Variants in CDC16 observed in about 807,000 individuals in gnomAD.
The protein encoded by CDC16 is cell division cycle 16.
CDC16 carries 34 observed loss-of-function variants against 87.0 expected under a neutral mutation model. The ratio of observed to expected loss-of-function variants is 0.39; its 90% CI spans 0.30 to 0.52. CDC16 has a LOEUF of 0.52. CDC16 is among the 20% of genes least tolerant of loss of function. The probability of loss-of-function intolerance (pLI) is 0.74; values close to 1 mark genes in which losing one functional copy is unlikely to be tolerated. For missense variants in CDC16, 653 were observed against 751.9 expected (o/e 0.87, Z 1.54); for synonymous variants, 263 against 260.6 (o/e 1.01, Z -0.09).
chr13:114,263,511 G>A (rs911972806), intron 16 of CDC16, among the ~76,000 whole-genome samples: 2 of 152,038 alleles, frequency 1.3e-5, no homozygotes, highest in African/African-American at 4.8e-5. Context: ...ATTTTTTCCC[G>A]GCACTTAATT....
At chr13:114,243,773 C>A in intron 7 of CDC16, 83 bp from the exon 8 acceptor site, 1 of 1,167,892 alleles carries the variant, frequency 8.6e-7, no homozygotes, top group Non-Finnish European at 1.2e-6. Context: ...ATGTTTTAAC[C>A]ACTTGGGCCA....
chr13:114,235,030 G>T lies in CDC16; in HGVS notation c.-55G>T, dbSNP rs2081172745. ...GGGCACGGGGCGGGGTGCTTAGGGTGCAGGAGGCGCGCGCCTAGCGGCGGA... is the reference window on the plus strand; with the variant it reads ...GGGCACGGGGCGGGGTGCTTAGGGTTCAGGAGGCGCGCGCCTAGCGGCGGA... On this transcript the variant is annotated 5_prime_UTR_variant, in exon 1 of 18. Coordinates refer to ENST00000356221, the MANE Select transcript of CDC16 (RefSeq NM_001078645.3). 2 of 1,233,376 alleles carry T rather than the reference G, an allele frequency of 1.6e-6. No individual in the cohort carries two copies. The highest frequency in any genetic ancestry group is 2.0e-6 in the Non-Finnish European group (2 of 982,914). The allele number at this position is 1,233,376 out of a possible 1,614,324, so 76.4% of individuals were successfully genotyped here. A position where few individuals can be genotyped will look rare whatever the true frequency, so the allele number is the denominator to read the frequency against.
intron 14 of CDC16, among the ~76,000 whole-genome samples, chr13:114,261,193 A>C (rs1015734000): frequency 6.6e-6 from 1 of 152,170 alleles, no homozygotes; most frequent in African/African-American, 2.4e-5. Flanking sequence ...GAGTTCACAG[A>C]GAATGTCAAG....
intron 11 of CDC16, 56 bp from the exon 12 acceptor site, chr13:114,250,491 CAA>C (rs59513608): frequency 0.025 from 29,311 of 1,189,634 alleles, no homozygotes; most frequent in South Asian, 0.037. Context: ...GACTTTGTCT[CAA>C]AAAAAAAAAA....
intron 17 of CDC16, among the ~76,000 whole-genome samples, 189 bp from the exon 18 acceptor site, chr13:114,271,995 C>T (rs748737392): frequency 2.0e-5 from 3 of 152,118 alleles, no homozygotes; most frequent in African/African-American, 4.8e-5. Flanking sequence ...AACTTGTGCT[C>T]TTAAAAGTAT....
intron 15 of CDC16, among the ~76,000 whole-genome samples, chr13:114,262,286 G>A (rs192635992): frequency 6.6e-6 from 1 of 152,170 alleles, no homozygotes; most frequent in Non-Finnish European, 1.5e-5. Context: ...TGAAAAATGG[G>A]TTTTTTGGTT....
chr13:114,265,594 A>G (rs1285121066), intron 17 of CDC16, among the ~76,000 whole-genome samples: 1 of 152,222 alleles, frequency 6.6e-6, no homozygotes, highest in Non-Finnish European at 1.5e-5. Context: ...TCATTATTTT[A>G]TAATGCAGGG....
intron 16 of CDC16, among the ~76,000 whole-genome samples, chr13:114,264,517 G>A (rs993736459): frequency 1.3e-5 from 2 of 150,524 alleles, no homozygotes; most frequent in African/African-American, 4.9e-5. Context: ...CTGAGATCGC[G>A]CCACTGCATT....
chr13:114,235,295 A>G (rs1357158136), intron 1 of CDC16, among the ~76,000 whole-genome samples, 163 bp downstream of exon 1: 1 of 152,002 alleles, frequency 6.6e-6, no homozygotes, highest in Non-Finnish European at 1.5e-5. Flanking sequence ...CTCGCCCAGA[A>G]GGGAGCGGTC....
chr13:114,263,877 C>G (rs2083016847), intron 16 of CDC16, among the ~76,000 whole-genome samples: 1 of 152,230 alleles, frequency 6.6e-6, no homozygotes, highest in South Asian at 2.1e-4. Flanking sequence ...CCACCAAGTT[C>G]ACGCTTCTCA....
chr13:114,265,288 T>C, intron 17 of CDC16, 48 bp downstream of exon 17: 2 of 1,140,562 alleles, frequency 1.8e-6, no homozygotes, highest in Non-Finnish European at 1.3e-6. Flanking sequence ...TTTTTTAGGT[T>C]GTCATATGTC....
intron 11 of CDC16, 43 bp from the exon 12 acceptor site, chr13:114,250,506 A>G (rs79764397): frequency 6.5e-7 from 1 of 1,545,832 alleles, no homozygotes. Flanking sequence ...AAAAAAAAAA[A>G]AGAATAAATA....
intron 12 of CDC16, 29 bp downstream of exon 12, chr13:114,250,703 A>G (rs553052451): frequency 2.7e-5 from 44 of 1,606,222 alleles, no homozygotes; most frequent in Non-Finnish European, 3.4e-5. Context: ...ATCAAACTCC[A>G]TGAAGGGATG....
chr13:114,236,568 A>T, intron 1 of CDC16, 77 bp from the exon 2 acceptor site: 1 of 1,187,680 alleles, frequency 8.4e-7, no homozygotes, highest in Non-Finnish European at 1.1e-6. Flanking sequence ...ACATAGAATT[A>T]TAATAATATT....
chr13:114,272,278 G>A lies in CDC16; in HGVS notation c.1698G>A (p.Arg566=), dbSNP rs776763858. ...KNIISPPWDF[R]EFEVEKQTAE... is the part of the protein sequence containing the mutation. ...TTATTTCACCTCCGTGGGATTTCAG[G>A]GAATTTGAAGTAGAAAAACAGACTG... Residue 566 remains arginine, a synonymous_variant, in exon 18 of 18, where the codon AGG becomes AGA. Transcript: ENST00000356221. 6.2e-7 allele frequency: 1 copy of A among 1,614,090 alleles called. No individual in the cohort carries two copies. Among genetic ancestry groups the A allele is most frequent in the South Asian group, 1.1e-5 (1 of 91,078 alleles).
intron 12 of CDC16, among the ~76,000 whole-genome samples, chr13:114,254,400 G>A (rs1274532582): frequency 2.0e-5 from 3 of 151,580 alleles, no homozygotes; most frequent in Admixed American, 6.6e-5. Context: ...ATTTTCTTAG[G>A]TTGGTTATCT....
chr13:114,243,123 A>G lies in CDC16; in HGVS notation c.542-134A>G, dbSNP rs1269544938. On this transcript the variant is annotated intron_variant, in intron 6 of 17. Transcript: ENST00000356221. Reference sequence around the variant, plus strand: ...GAGCCACTGTGTCAGCTTCTGTTGCACATTTTGATCTTATGTTCTCTTTTG... The same window carrying G: ...GAGCCACTGTGTCAGCTTCTGTTGCGCATTTTGATCTTATGTTCTCTTTTG... The G allele has an allele frequency of 3.8e-5, 22 of 573,694 alleles. 1 individual carries two copies. The highest frequency in any genetic ancestry group is 5.4e-5 in the Non-Finnish European group (17 of 314,586). The allele number at this position is 573,694 out of a possible 1,614,324, so 35.5% of individuals were successfully genotyped here. A position where few individuals can be genotyped will look rare whatever the true frequency, so the allele number is the denominator to read the frequency against.
intron 11 of CDC16, chr13:114,247,212 C>G (rs112188662): frequency 2.0e-5 from 11 of 559,010 alleles, no homozygotes; most frequent in Non-Finnish European, 1.9e-5. Flanking sequence ...GGTTCTCACT[C>G]TGTTGCCCAG....
Position 114,272,576 on chromosome 13 carries a change from G to C in CDC16, c.*133G>C. The stretch of plus-strand genomic sequence containing the variant: ...TCTCTACATTTAGGAACAGAGACCC[G>C]CCTTAAGAGACTGGATCGCACACCT... On this transcript the variant is annotated 3_prime_UTR_variant, in exon 18 of 18. Coordinates refer to ENST00000356221, the MANE Select transcript of CDC16 (RefSeq NM_001078645.3). 1.4e-6 allele frequency: 1 copy of C among 696,200 alleles called. No individual in the cohort carries two copies. Among genetic ancestry groups the C allele is most frequent in the Non-Finnish European group, 2.3e-6 (1 of 426,770 alleles). 43.1% of individuals were successfully genotyped at this position (696,200 alleles called of 1,614,324 possible).
Sources: allele counts gnomAD v4.1 joint callset (sites outside exome capture counted in the v4.1 genomes callset), GRCh38; gene constraint gnomAD v4.1.1; transcripts MANE v1.5; gene names NCBI Gene and HGNC (gene_info 2026-07-23, HGNC 2026-07-21).